Variants in IL4I1 observed in about 807,000 individuals in gnomAD.
IL4I1 encodes interleukin 4 induced 1.
Under a neutral mutation model 29.7 loss-of-function variants are expected in IL4I1, and 24 were observed. The ratio of observed to expected loss-of-function variants is 0.81; its 90% CI spans 0.59 to 1.14. IL4I1 has a LOEUF of 1.14. IL4I1 is among the 50% of genes most tolerant of loss of function. The pLI is 0.00. For synonymous variants in IL4I1, 371 were observed against 352.5 expected (o/e 1.05, Z -0.59); for missense variants, 686 against 785.6 (o/e 0.87, Z 1.52).
At position 49,921,899 on chromosome 19, in the gene IL4I1, G is replaced by T. The variant is rs1285590726; in HGVS notation, c.-228+5795C>A. On this transcript the variant is annotated intron_variant, in intron 2 of 9. Transcript: ENST00000341114. This position sits in a 1 kb window ranked among gnomAD's most constrained non-coding sequence, Gnocchi z 5.4. Reference sequence around the variant, plus strand: ...GGAGCTGCCTCCTCTGGACACAGCGGTGGCTCTCACCTCCCTTCCATCTTG... The same window carrying T: ...GGAGCTGCCTCCTCTGGACACAGCGTTGGCTCTCACCTCCCTTCCATCTTG... 6.6e-6 allele frequency among the ~76,000 whole-genome samples: 1 copy of T among 152,194 alleles called. No homozygotes were observed. The highest frequency in any genetic ancestry group is 1.5e-5 in the Non-Finnish European group (1 of 68,028).
chr19:49,909,214 GGTGGCTGCTGGC>G (rs765559333), intron 2 of IL4I1: 25 of 1,614,152 alleles, frequency 1.5e-5, no homozygotes, highest in Non-Finnish European at 2.1e-5. Context: ...CACCTGCTGT[GGTGGCTGCTGGC>G]GTGGCCGGAG....
chr19:49,907,934 C>T (rs1480055932), intron 2 of IL4I1: 1 of 504,106 alleles, frequency 2.0e-6, no homozygotes, highest in Non-Finnish European at 3.5e-6. Context: ...CCAAGACCAT[C>T]AGCACTTCTC....
intron 2 of IL4I1, among the ~76,000 whole-genome samples, chr19:49,906,277 T>C (rs933074643): frequency 2.6e-5 from 4 of 152,140 alleles, no homozygotes; most frequent in Non-Finnish European, 4.4e-5. Context: ...GGTGTGATCA[T>C]GGCTCACTGC....
At chr19:49,897,045 G>T, upstream of IL4I1, 1 of 213,694 alleles carries the variant, frequency 4.7e-6, no homozygotes, top group Non-Finnish European at 8.1e-6. Flanking sequence ...GTTGGAGGAA[G>T]TTAATCAGTC....
intron 2 of IL4I1, among the ~76,000 whole-genome samples, chr19:49,911,604 G>A (rs893356013): frequency 6.6e-6 from 1 of 151,720 alleles, no homozygotes; most frequent in Non-Finnish European, 1.5e-5. Flanking sequence ...GTTTTGTTTC[G>A]TCTGCTCCTC....
chr19:49,919,153 CA>C (rs2075703288), intron 2 of IL4I1, among the ~76,000 whole-genome samples: 1 of 152,026 alleles, frequency 6.6e-6, no homozygotes, highest in African/African-American at 2.4e-5. Flanking sequence ...AACTCGGTCT[CA>C]AAAAAACAAA....
intron 2 of IL4I1, among the ~76,000 whole-genome samples, chr19:49,926,854 A>T (rs1217307526): frequency 3.7e-5 from 4 of 109,564 alleles, no homozygotes; most frequent in Non-Finnish European, 5.3e-5. Context: ...AGAAGTAGGT[A>T]CTTTTTTTTT....
intron 2 of IL4I1, among the ~76,000 whole-genome samples, chr19:49,916,584 A>G (rs572187236): frequency 1.8e-3 from 273 of 151,862 alleles, no homozygotes; most frequent in Non-Finnish European, 3.2e-3. Flanking sequence ...CCATGGTGAA[A>G]CCCCGTCTGC....
At chr19:49,896,970 G>T, upstream of IL4I1, 3 of 803,942 alleles carry the variant, frequency 3.7e-6, no homozygotes, top group Non-Finnish European at 4.5e-6. Flanking sequence ...CGAGGGAAAT[G>T]AAACTGGTTT....
rs144877065 is a variant in IL4I1, at chr19:49,895,854, C to T, written c.213G>A (p.Gly71=). Residue 71 remains glycine (G), a synonymous_variant, in exon 3 of 8, where the codon GGG becomes GGA. Coordinates refer to ENST00000391826, the MANE Select transcript of IL4I1 (RefSeq NM_152899.2). ...RVIVVGAGVA[G]LVAAKVLSDA... ...CGCTGAGCACCTTGGCGGCCACCAG[C>T]CCGGCCACACCAGCGCCAACCACAA... is the stretch of plus-strand genomic sequence containing the variant. 3.1e-6 allele frequency: 5 copies of T among 1,614,080 alleles called. No homozygotes were observed. The African/African-American group carries it at 4.0e-5, about 13-fold the overall frequency.
At chr19:49,903,112 GA>G (rs1002289994) in intron 3 of IL4I1, among the ~76,000 whole-genome samples, 4 of 147,250 alleles carry the variant, frequency 2.7e-5, no homozygotes, top group African/African-American at 5.0e-5. Flanking sequence ...AGGACTCTCT[GA>G]AAAAAAAAAC....
intron 3 of IL4I1, among the ~76,000 whole-genome samples, chr19:49,902,946 C>T (rs984494151): frequency 2.0e-5 from 3 of 151,800 alleles, no homozygotes; most frequent in Non-Finnish European, 4.4e-5. Flanking sequence ...AAAACCCTGT[C>T]TCTACTAAAA....
At chr19:49,907,474 A>G (rs1036204360) in intron 2 of IL4I1, 10 of 437,644 alleles carry the variant, frequency 2.3e-5, no homozygotes, top group Admixed American at 2.1e-4. Flanking sequence ...GGTGGTTAGC[A>G]TGGTTAGCTT....
In IL4I1 at chr19:49,908,289, C is replaced by T. The variant is rs1389217785; in HGVS notation, c.-227-3968G>A. ...CGCTCCTGCTCCTTGCGCCGGCCCT[C>T]GCACACCTTGGTCACCTCCTCCACC... On this transcript the variant is annotated intron_variant, in intron 2 of 9. Transcript: ENST00000341114. 8 of 1,613,874 alleles carry T rather than the reference C, an allele frequency of 5.0e-6. No homozygotes were observed. Among genetic ancestry groups the T allele is most frequent in the Admixed American group, 1.7e-5 (1 of 60,000 alleles).
At chr19:49,896,242 C>T (rs1389410675) in intron 1 of IL4I1, 60 bp from the exon 2 acceptor site, 2 of 1,462,850 alleles carry the variant, frequency 1.4e-6, no homozygotes, top group East Asian at 5.0e-5. Context: ...TGTAGCCTGA[C>T]TCTGTCTCCC....
At chr19:49,923,462 G>T (rs1358775506) in intron 2 of IL4I1, among the ~76,000 whole-genome samples, 1 of 152,224 alleles carries the variant, frequency 6.6e-6, no homozygotes, top group African/African-American at 2.4e-5. Context: ...CCCTCGAAGC[G>T]TTCGGGGGAG....
upstream of IL4I1, among the ~76,000 whole-genome samples, chr19:49,898,643 G>A (rs543170206): frequency 4.6e-5 from 7 of 152,246 alleles, no homozygotes; most frequent in South Asian, 2.1e-4. Context: ...TGAGGTGGGC[G>A]GATCACTTGA....
At chr19:49,913,442 C>T (rs1600517532) in intron 2 of IL4I1, among the ~76,000 whole-genome samples, 1 of 152,316 alleles carries the variant, frequency 6.6e-6, no homozygotes, top group African/African-American at 2.4e-5. Flanking sequence ...GGCTTTGGGT[C>T]ATACAGTATC....
Position 49,894,335 on chromosome 19 carries a change from C to T in IL4I1, c.500G>A (p.Gly167Asp). ...CTTTTCCTGGGGACGCAAGGCGTAG[C>T]CCAGCTTCTCGGGCACCTTCTCCAC... Reference protein sequence around the residue: ...YVVEKVPEKLGYALRPQEKGH... With the variant: ...YVVEKVPEKLDYALRPQEKGH... The change falls in exon 5 of 8, where the codon GGC becomes GAC. Residue 167 changes from glycine to aspartate, a missense_variant. By Grantham distance (94) the Gly-to-Asp change is moderately conservative. Coordinates refer to ENST00000391826, the MANE Select transcript of IL4I1 (RefSeq NM_152899.2). The T allele has an allele frequency of 6.2e-7, 1 of 1,614,246 alleles. No homozygotes were observed. The highest frequency in any genetic ancestry group is 1.1e-5 in the South Asian group (1 of 91,090).
Sources: allele counts gnomAD v4.1 joint callset (sites outside exome capture counted in the v4.1 genomes callset), GRCh38; gene constraint gnomAD v4.1.1; non-coding constraint Gnocchi (gnomAD v3.1); transcripts MANE v1.5; gene names NCBI Gene and HGNC (gene_info 2026-07-23, HGNC 2026-07-21).